Variants in CNTNAP2 observed in about 807,000 individuals in gnomAD.
CNTNAP2 encodes the protein contactin associated protein 2.
CNTNAP2 carries 98 observed loss-of-function variants against 155.2 expected under a neutral mutation model. The observed-to-expected ratio is 0.63, with a 90% CI of 0.54 to 0.75. The LOEUF (loss-of-function observed/expected upper bound fraction) is 0.75. CNTNAP2 is among the 30% of genes least tolerant of loss of function. The probability of loss-of-function intolerance (pLI) is 0.00; values close to 1 mark genes in which losing one functional copy is unlikely to be tolerated. For synonymous variants in CNTNAP2, 651 were observed against 631.2 expected (o/e 1.03, Z -0.47); for missense variants, 1,727 against 1,688.1 (o/e 1.02, Z -0.40).
intron 14 of CNTNAP2, among the ~76,000 whole-genome samples, chr7:147,905,975 A>G (rs1308917185): frequency 1.3e-5 from 2 of 152,130 alleles, no homozygotes; most frequent in East Asian, 1.9e-4. Context: ...AGGAATCCAT[A>G]ACGTCTTGGA....
At chr7:148,232,535 C>G (rs1245271882) in intron 20 of CNTNAP2, among the ~76,000 whole-genome samples, 1 of 152,166 alleles carries the variant, frequency 6.6e-6, no homozygotes, top group African/African-American at 2.4e-5. Context: ...TATAATCAAA[C>G]AGAAATATGA....
chr7:146,471,374 T>C (rs1796795540), intron 1 of CNTNAP2, among the ~76,000 whole-genome samples: 1 of 152,256 alleles, frequency 6.6e-6, no homozygotes, highest in South Asian at 2.1e-4. Flanking sequence ...ATGAGCTGTA[T>C]ACATTTTTAA....
intron 21 of CNTNAP2, among the ~76,000 whole-genome samples, chr7:148,346,773 TAAA>T (rs71188973): frequency 1.4e-5 from 2 of 147,046 alleles, no homozygotes; most frequent in African/African-American, 5.1e-5. Flanking sequence ...ACTCCATCTT[TAAA>T]AAAAAAAAAA....
chr7:147,285,959 ACT>A (rs200105292), intron 8 of CNTNAP2, among the ~76,000 whole-genome samples: 1 of 152,144 alleles, frequency 6.6e-6, no homozygotes, highest in East Asian at 1.9e-4. Flanking sequence ...AAGCTATGTA[ACT>A]CTGATTTGTA....
intron 1 of CNTNAP2, among the ~76,000 whole-genome samples, chr7:146,421,512 G>T (rs561283104): frequency 6.6e-6 from 1 of 151,974 alleles, no homozygotes; most frequent in South Asian, 2.1e-4. Context: ...AGAAAATGCA[G>T]GTGCAAATGT....
chr7:147,054,588 T>C (rs1458320032), intron 4 of CNTNAP2, among the ~76,000 whole-genome samples: 1 of 152,204 alleles, frequency 6.6e-6, no homozygotes, highest in African/African-American at 2.4e-5. Flanking sequence ...TGCAAATATA[T>C]ATAAGTGATT....
intron 10 of CNTNAP2, among the ~76,000 whole-genome samples, chr7:147,402,278 T>A (rs576115168): frequency 6.6e-6 from 1 of 152,030 alleles, no homozygotes; most frequent in Non-Finnish European, 1.5e-5. Flanking sequence ...ACCACAGGGG[T>A]GGGATCTGTC....
chr7:146,431,596 T>C (rs1461613940), intron 1 of CNTNAP2, among the ~76,000 whole-genome samples: 1 of 152,082 alleles, frequency 6.6e-6, no homozygotes, highest in Non-Finnish European at 1.5e-5. Flanking sequence ...ATCAATAATT[T>C]AATTTTTATA....
At chr7:147,665,006 T>A (rs1302301658) in intron 13 of CNTNAP2, among the ~76,000 whole-genome samples, 1 of 152,204 alleles carries the variant, frequency 6.6e-6, no homozygotes, top group Non-Finnish European at 1.5e-5. Context: ...GTATAATATT[T>A]ACAGAGGTAT....
At chr7:146,146,963 C>T (rs938795534) in intron 1 of CNTNAP2, among the ~76,000 whole-genome samples, 8 of 152,244 alleles carry the variant, frequency 5.3e-5, no homozygotes, top group Admixed American at 3.9e-4. Flanking sequence ...ACACAGTTCA[C>T]TTAGTTGGGC....
At chr7:147,509,081 G>A (rs1162908332) in intron 11 of CNTNAP2, among the ~76,000 whole-genome samples, 2 of 152,118 alleles carry the variant, frequency 1.3e-5, no homozygotes, top group South Asian at 4.1e-4. Context: ...GGCATTCTGA[G>A]CATGCTATAA....
chr7:146,146,730 C>T (rs897496413), intron 1 of CNTNAP2, among the ~76,000 whole-genome samples: 3 of 152,100 alleles, frequency 2.0e-5, no homozygotes, highest in Admixed American at 1.3e-4. Context: ...ATGCCTTAAA[C>T]ATTTATTAAT....
intron 1 of CNTNAP2, among the ~76,000 whole-genome samples, chr7:146,230,340 T>C (rs1165516572): frequency 6.6e-6 from 1 of 152,098 alleles, no homozygotes; most frequent in Non-Finnish European, 1.5e-5. Flanking sequence ...CTGAACAAAC[T>C]TAGAGACAAG....
chr7:146,761,830 T>TTACTC (rs145974941), intron 1 of CNTNAP2, among the ~76,000 whole-genome samples: 54,147 of 151,428 alleles, frequency 0.36, 11,201 homozygotes, highest in African/African-American at 0.58. Flanking sequence ...TACAACTTCT[T>TTACTC]TATTCAATGG....
chr7:146,608,113 A>G (rs555338404), intron 1 of CNTNAP2, among the ~76,000 whole-genome samples: 1 of 152,344 alleles, frequency 6.6e-6, no homozygotes, highest in African/African-American at 2.4e-5. Context: ...ATGTTAAACT[A>G]AACAAATACT....
intron 2 of CNTNAP2, among the ~76,000 whole-genome samples, chr7:146,818,869 T>C (rs1264572171): frequency 6.6e-6 from 1 of 152,090 alleles, no homozygotes; most frequent in Non-Finnish European, 1.5e-5. Flanking sequence ...AGTGTATGTA[T>C]GTAAAATATT....
intron 13 of CNTNAP2, among the ~76,000 whole-genome samples, chr7:147,734,444 C>T (rs992352443): frequency 1.6e-4 from 24 of 152,092 alleles, no homozygotes; most frequent in Non-Finnish European, 3.4e-4. Flanking sequence ...ATTTTTGCAT[C>T]AATGTTCATC....
chr7:146,353,938 T>C (rs1228798990), intron 1 of CNTNAP2, among the ~76,000 whole-genome samples: 2 of 152,194 alleles, frequency 1.3e-5, no homozygotes, highest in Non-Finnish European at 2.9e-5. Context: ...GCTGTATTTG[T>C]TCAAAAATAT....
intron 14 of CNTNAP2, among the ~76,000 whole-genome samples, chr7:147,929,170 T>C (rs527361072): frequency 6.6e-6 from 1 of 151,816 alleles, no homozygotes; most frequent in South Asian, 2.1e-4. Context: ...CTGCTCTTAT[T>C]GATCATGTGT....
Sources: gnomAD v4.1 joint callset for allele counts (sites outside exome capture counted in the v4.1 genomes callset) on GRCh38, gnomAD v4.1.1 for gene constraint, MANE v1.5 for transcripts, NCBI Gene and HGNC (gene_info 2026-07-23, HGNC 2026-07-21) for gene names.